The following SGCD variants were observed in gnomAD, a reference collection of about 807,000 sequenced individuals.
The protein encoded by SGCD is delta-sarcoglycan.
A neutral mutation model predicts 36.6 loss-of-function variants in SGCD; 18 were observed. The ratio of observed to expected loss-of-function variants is 0.49; its 90% confidence interval spans 0.34 to 0.73. The LOEUF is 0.73. Among genes scored for constraint, SGCD ranks in the 30% least tolerant of loss-of-function variants. The probability of loss-of-function intolerance (pLI) is 0.01; values close to 1 mark genes in which losing one functional copy is unlikely to be tolerated. For synonymous variants in SGCD, 133 were observed against 130.6 expected (o/e 1.02, Z -0.12); for missense variants, 387 against 346.7 (o/e 1.12, Z -0.92).
At chr5:156,562,593 A>C (rs563834111) in intron 4 of SGCD, among the ~76,000 whole-genome samples, 10 of 152,172 alleles carry the variant, frequency 6.6e-5, no homozygotes, top group African/African-American at 2.2e-4. Flanking sequence ...GACATCAAAA[A>C]ATTTTGAGGA....
At chr5:155,873,371 T>G (rs1279369217) in intron 1 of SGCD, among the ~76,000 whole-genome samples, 1 of 152,172 alleles carries the variant, frequency 6.6e-6, no homozygotes, top group African/African-American at 2.4e-5. Flanking sequence ...ACCTAAATAC[T>G]GCATTGTCTT....
At chr5:155,955,762 A>C (rs199972930) in intron 1 of SGCD, among the ~76,000 whole-genome samples, 2 of 152,110 alleles carry the variant, frequency 1.3e-5, no homozygotes. Flanking sequence ...TAGTTGTTAG[A>C]GTAACAGATT....
the SGCD span, among the ~76,000 whole-genome samples, chr5:155,834,646 G>A: frequency 6.6e-6 from 1 of 152,180 alleles, no homozygotes; most frequent in Non-Finnish European, 1.5e-5. Context: ...TGTCATGTAC[G>A]TTTGACAATT....
chr5:156,508,570 T>G (rs756613906), intron 3 of SGCD, 31 bp from the exon 4 acceptor site: 1 of 1,424,876 alleles, frequency 7.0e-7, no homozygotes, highest in African/African-American at 1.4e-5. Context: ...GCTAATCATA[T>G]CTTCCTTGTT....
chr5:155,966,334 T>C (rs2113458023), intron 1 of SGCD, among the ~76,000 whole-genome samples: 1 of 152,232 alleles, frequency 6.6e-6, no homozygotes, highest in South Asian at 2.1e-4. Flanking sequence ...CCTTTAACAA[T>C]TGTGAAACTT....
At chr5:156,656,302 T>A (rs1049476035) in intron 7 of SGCD, among the ~76,000 whole-genome samples, 1 of 152,098 alleles carries the variant, frequency 6.6e-6, no homozygotes, top group African/African-American at 2.4e-5. Context: ...AACAGAAATG[T>A]CACCGCCCAA....
intron 3 of SGCD, among the ~76,000 whole-genome samples, chr5:156,272,059 T>C (rs1766194824): frequency 6.6e-6 from 1 of 152,218 alleles, no homozygotes; most frequent in African/African-American, 2.4e-5. Context: ...TGTTTTTTGG[T>C]TGAACATAGG....
chr5:156,061,848 AT>A (rs1760216089), intron 1 of SGCD, among the ~76,000 whole-genome samples: 1 of 140,526 alleles, frequency 7.1e-6, no homozygotes, highest in Non-Finnish European at 1.6e-5. Context: ...ACATTAATAT[AT>A]GTCTTTGAAT....
intron 1 of SGCD, among the ~76,000 whole-genome samples, chr5:155,972,637 C>T (rs1581020190): frequency 6.6e-6 from 1 of 152,082 alleles, no homozygotes; most frequent in South Asian, 2.1e-4. Context: ...ATCAATTAGA[C>T]AGTGGGCACA....
intron 1 of SGCD, among the ~76,000 whole-genome samples, chr5:156,024,510 C>T (rs991996764): frequency 2.0e-5 from 3 of 151,972 alleles, no homozygotes; most frequent in Admixed American, 1.3e-4. Context: ...TGGATTCTTC[C>T]TCTACCTTTT....
chr5:155,887,007 C>T (rs544557308), intron 1 of SGCD, among the ~76,000 whole-genome samples: 1 of 152,276 alleles, frequency 6.6e-6, no homozygotes, highest in South Asian at 2.1e-4. Flanking sequence ...CTGATGACAT[C>T]CCCAGAAGGA....
At chr5:156,588,861 A>T (rs1760600979) in intron 4 of SGCD, among the ~76,000 whole-genome samples, 1 of 152,098 alleles carries the variant, frequency 6.6e-6, no homozygotes, top group African/African-American at 2.4e-5. Flanking sequence ...ACATTAGGAG[A>T]TTATCATTCA....
At chr5:155,844,827 C>T in the SGCD span, among the ~76,000 whole-genome samples, 1 of 152,122 alleles carries the variant, frequency 6.6e-6, no homozygotes, top group South Asian at 2.1e-4. Flanking sequence ...CCAATGCATG[C>T]CATATAATGA....
At chr5:155,769,684 G>A in the SGCD span, among the ~76,000 whole-genome samples, 1 of 152,138 alleles carries the variant, frequency 6.6e-6, no homozygotes, top group African/African-American at 2.4e-5. Flanking sequence ...CATCCAACTA[G>A]CCTCAAAGTA....
chr5:156,119,006 A>G lies in SGCD; in HGVS notation c.-208+1055A>G, dbSNP rs1313634669. Among the ~76,000 whole-genome samples the G allele has an allele frequency of 2.6e-5, 4 of 152,142 alleles. No individual in the cohort carries two copies. The East Asian group carries it at 7.7e-4, about 29-fold the overall frequency. On this transcript the variant is annotated intron_variant, in intron 2 of 9. Transcript: ENST00000517913. Reference sequence around the variant, plus strand: ...GTATTATCACCTGCTAGAAAATATAATCAATATTTTGCAACTGAGGCTGAC... The same window carrying G: ...GTATTATCACCTGCTAGAAAATATAGTCAATATTTTGCAACTGAGGCTGAC...
chr5:156,406,111 ATGAC>A (rs1772390428), intron 3 of SGCD, among the ~76,000 whole-genome samples: 1 of 151,654 alleles, frequency 6.6e-6, no homozygotes, highest in Non-Finnish European at 1.5e-5. Flanking sequence ...TAAAGATTGA[ATGAC>A]TGTAATGTGT....
chr5:155,921,508 G>A lies in SGCD; in HGVS notation c.-282+51084G>A, dbSNP rs73810349. Among the ~76,000 whole-genome samples the A allele has an allele frequency of 9.0e-3, 1,369 of 152,118 alleles. 26 individuals carry two copies. Among genetic ancestry groups the A allele is most frequent in the African/African-American group, 0.03 (1,264 of 41,478 alleles). ...AGTGCTGATGGGGGGTAGCAGTAGA[G>A]GGGTAGTGGGCTGAGACTCTGGAAA... On this transcript the variant is annotated intron_variant, in intron 1 of 9. Transcript: ENST00000517913.
intron 7 of SGCD, among the ~76,000 whole-genome samples, chr5:156,723,976 G>A (rs1049193082): frequency 1.3e-5 from 2 of 152,166 alleles, no homozygotes; most frequent in African/African-American, 4.8e-5. Context: ...TGAAAATAGA[G>A]TTAGGAAATT....
chr5:155,917,548 G>A (rs971258813), intron 1 of SGCD, among the ~76,000 whole-genome samples: 2 of 152,144 alleles, frequency 1.3e-5, no homozygotes, highest in African/African-American at 4.8e-5. Flanking sequence ...AAAACATACA[G>A]CCTAACCAAC....
Sources: allele counts gnomAD v4.1 joint callset (sites outside exome capture counted in the v4.1 genomes callset), GRCh38; gene constraint gnomAD v4.1.1; transcripts MANE v1.5; gene names NCBI Gene and HGNC (gene_info 2026-07-23, HGNC 2026-07-21).